SAMSN1: variants seen among roughly 807,000 people sequenced by gnomAD.
The protein encoded by SAMSN1 is SAM domain, SH3 domain and nuclear localization signals 1.
In SAMSN1, 31 loss-of-function variants were observed where a neutral mutation model predicts 42.0. The ratio of observed to expected loss-of-function variants is 0.74; its 90% CI spans 0.55 to 1.00. The LOEUF (loss-of-function observed/expected upper bound fraction) is 1.00. Ranked by LOEUF, SAMSN1 falls within the 50% of genes least tolerant of loss-of-function variation. The pLI is 0.00. For missense variants in SAMSN1, 464 were observed against 439.4 expected (o/e 1.06, Z -0.50); for synonymous variants, 178 against 151.9 (o/e 1.17, Z -1.26).
intron 3 of SAMSN1, 138 bp downstream of exon 3, chr21:14,516,754 C>T (rs1987936587): frequency 3.1e-6 from 2 of 647,652 alleles, no homozygotes; most frequent in Middle Eastern, 8.7e-4. Context: ...TCCTTCCACC[C>T]AAGTTCTGGG....
intron 6 of SAMSN1, among the ~76,000 whole-genome samples, chr21:14,498,879 C>T (rs1056946428): frequency 6.6e-6 from 1 of 152,168 alleles, no homozygotes; most frequent in Non-Finnish European, 1.5e-5. Flanking sequence ...TCATGCATCC[C>T]ATTTGGAAAT....
chr21:14,624,597 T>G (rs1184203470), intron 2 of SAMSN1, among the ~76,000 whole-genome samples: 1 of 152,122 alleles, frequency 6.6e-6, no homozygotes. Context: ...AATCCCTGAA[T>G]AGACCAATCA....
At chr21:14,653,307 T>C (rs1038668015) in intron 1 of SAMSN1, among the ~76,000 whole-genome samples, 4 of 152,026 alleles carry the variant, frequency 2.6e-5, no homozygotes, top group African/African-American at 9.7e-5. Context: ...GGAGTATGGT[T>C]CAATCATCAA....
At chr21:14,581,458 A>G (rs563519260) in intron 2 of SAMSN1, among the ~76,000 whole-genome samples, 1 of 131,234 alleles carries the variant, frequency 7.6e-6, no homozygotes, top group African/African-American at 2.9e-5. Flanking sequence ...TCCTGGGTTC[A>G]CGCCATTCTT....
chr21:14,553,869 G>A (rs1162237558), intron 2 of SAMSN1, among the ~76,000 whole-genome samples: 1 of 151,912 alleles, frequency 6.6e-6, no homozygotes, highest in Non-Finnish European at 1.5e-5. Context: ...ATCCTAAAAT[G>A]TCATATTATG....
chr21:14,610,879 T>C (rs1449842908), intron 4 of SAMSN1, among the ~76,000 whole-genome samples: 1 of 152,242 alleles, frequency 6.6e-6, no homozygotes, highest in Non-Finnish European at 1.5e-5. Context: ...CGTCTCTTGA[T>C]AGCTTATGAT....
chr21:14,594,909 C>G (rs1982211695), intron 6 of SAMSN1, among the ~76,000 whole-genome samples: 1 of 152,150 alleles, frequency 6.6e-6, no homozygotes, highest in Non-Finnish European at 1.5e-5. Context: ...CACAGTTCTA[C>G]AGGCTGTACA....
intron 2 of SAMSN1, among the ~76,000 whole-genome samples, chr21:14,554,774 C>T (rs924624833): frequency 3.3e-5 from 5 of 149,834 alleles, no homozygotes; most frequent in African/African-American, 1.2e-4. Context: ...TCATGGCTCA[C>T]TACAGCTTTA....
intron 7 of SAMSN1, among the ~76,000 whole-genome samples, chr21:14,492,719 T>C (rs1005333898): frequency 1.3e-5 from 2 of 152,240 alleles, no homozygotes; most frequent in African/African-American, 2.4e-5. Flanking sequence ...TTATAGTTTT[T>C]TGTATGATAT....
chr21:14,488,729 A>G (rs73342002), intron 7 of SAMSN1, among the ~76,000 whole-genome samples: 6,840 of 152,268 alleles, frequency 0.045, 541 homozygotes, highest in African/African-American at 0.16. Context: ...TTATGGAAAA[A>G]GAAAATAGTT....
At chr21:14,629,495 A>T (rs1339291969) in intron 2 of SAMSN1, among the ~76,000 whole-genome samples, 1 of 152,196 alleles carries the variant, frequency 6.6e-6, no homozygotes, top group East Asian at 1.9e-4. Context: ...AGGAAAAGCT[A>T]CAATCAGCTC....
intron 6 of SAMSN1, among the ~76,000 whole-genome samples, chr21:14,499,467 G>A (rs17003324): frequency 0.052 from 6,825 of 131,670 alleles, 318 homozygotes; most frequent in South Asian, 0.14. Flanking sequence ...TAATCAGGGA[G>A]AACTTATGAC....
In SAMSN1 at chr21:14,521,091, T is replaced by G. The variant is rs1171320238; in HGVS notation, c.129+59A>C. ...TTTACTTTGCAAAAGTGACATTGTCTTCATAATATTTCATAATGTGTTTGC... is the reference window on the plus strand; with the variant it reads ...TTTACTTTGCAAAAGTGACATTGTCGTCATAATATTTCATAATGTGTTTGC... On this transcript the variant is annotated intron_variant, in intron 2 of 7. Transcript: ENST00000400566. 3 of 1,065,586 alleles carry G rather than the reference T, an allele frequency of 2.8e-6. No homozygotes were observed. In the Admixed American group the frequency reaches 6.6e-5, roughly 23 times the overall value. The allele number at this position is 1,065,586 out of a possible 1,614,324, so 66.0% of individuals were successfully genotyped here.
At chr21:14,548,846 G>T (rs1231733518), upstream of SAMSN1, among the ~76,000 whole-genome samples, 1 of 151,774 alleles carries the variant, frequency 6.6e-6, no homozygotes, top group African/African-American at 2.4e-5. Flanking sequence ...GTCACAGATG[G>T]ACAGAACAAG....
intron 7 of SAMSN1, among the ~76,000 whole-genome samples, chr21:14,589,946 T>C (rs1182713659): frequency 6.6e-6 from 1 of 152,168 alleles, no homozygotes; most frequent in Non-Finnish European, 1.5e-5. Context: ...TTTTCAAAAA[T>C]TAATATTTTG....
intron 2 of SAMSN1, among the ~76,000 whole-genome samples, chr21:14,552,252 A>C (rs1462366368): frequency 6.6e-6 from 1 of 152,114 alleles, no homozygotes; most frequent in Non-Finnish European, 1.5e-5. Context: ...GCTTACAAAA[A>C]TGGGTGTAGG....
intron 2 of SAMSN1, among the ~76,000 whole-genome samples, chr21:14,641,947 CA>C (rs1370307796): frequency 6.6e-6 from 1 of 152,106 alleles, no homozygotes; most frequent in African/African-American, 2.4e-5. Flanking sequence ...TCAATCGATA[CA>C]CATGTTGTAT....
intron 2 of SAMSN1, among the ~76,000 whole-genome samples, chr21:14,563,942 C>G (rs1249114208): frequency 6.6e-6 from 1 of 152,014 alleles, no homozygotes; most frequent in African/African-American, 2.4e-5. Flanking sequence ...AAAAGTGAAC[C>G]AAAAATAGCT....
intron 1 of SAMSN1, among the ~76,000 whole-genome samples, chr21:14,531,318 T>C (rs193134455): frequency 6.6e-6 from 1 of 152,254 alleles, no homozygotes; most frequent in East Asian, 1.9e-4. Context: ...GTATTTTGTA[T>C]AGTGTCATTA....
Sources: gnomAD v4.1 joint callset for allele counts (sites outside exome capture counted in the v4.1 genomes callset) on GRCh38, gnomAD v4.1.1 for gene constraint, MANE v1.5 for transcripts, NCBI Gene and HGNC (gene_info 2026-07-23, HGNC 2026-07-21) for gene names.